PXDNL: variants seen among roughly 807,000 people sequenced by gnomAD.
PXDNL encodes peroxidasin like, also known as probable oxidoreductase PXDNL.
Under a neutral mutation model 150.8 loss-of-function variants are expected in PXDNL, and 145 were observed. That is an observed-to-expected ratio of 0.96 (90% CI 0.84 to 1.10). The LOEUF (loss-of-function observed/expected upper bound fraction) is 1.10, where lower values mean the gene tolerates loss of function less well. Among genes scored for constraint, PXDNL ranks in the 50% least tolerant of loss-of-function variants. The pLI is 0.00. For synonymous variants in PXDNL, 757 were observed against 725.7 expected (o/e 1.04, Z -0.69); for missense variants, 2,087 against 1,873.9 (o/e 1.11, Z -2.10).
At chr8:51,506,218 T>C (rs539885346) in intron 4 of PXDNL, among the ~76,000 whole-genome samples, 74 of 152,234 alleles carry the variant, frequency 4.9e-4, no homozygotes, top group African/African-American at 1.6e-3. Context: ...CTTCACTCTT[T>C]GGGAAGTTAT....
intron 6 of PXDNL, among the ~76,000 whole-genome samples, chr8:51,482,170 G>A (rs1385188205): frequency 6.6e-6 from 1 of 152,190 alleles, no homozygotes; most frequent in African/African-American, 2.4e-5. Flanking sequence ...AAGACCATGG[G>A]AGCCCATCTC....
intron 1 of PXDNL, among the ~76,000 whole-genome samples, chr8:51,666,499 C>A (rs564455878): frequency 6.6e-6 from 1 of 152,294 alleles, no homozygotes; most frequent in African/African-American, 2.4e-5. Flanking sequence ...TAAACCAAAT[C>A]TTTCCCTTTC....
intron 1 of PXDNL, among the ~76,000 whole-genome samples, chr8:51,679,058 C>A (rs1375353832): frequency 6.6e-6 from 1 of 152,104 alleles, no homozygotes; most frequent in African/African-American, 2.4e-5. Context: ...AACATATAAG[C>A]AAATAGTCCC....
chr8:51,799,372 C>T (rs1278591130), intron 1 of PXDNL, among the ~76,000 whole-genome samples: 1 of 152,116 alleles, frequency 6.6e-6, no homozygotes, highest in African/African-American at 2.4e-5. Flanking sequence ...AAGTCCTGCA[C>T]ATGTATCCTG....
chr8:51,527,826 C>T (rs753782202), intron 4 of PXDNL, among the ~76,000 whole-genome samples: 5 of 152,160 alleles, frequency 3.3e-5, no homozygotes, highest in Non-Finnish European at 7.3e-5. Flanking sequence ...TGTACTTAGC[C>T]TTGAAGAGAG....
chr8:51,673,325 A>C (rs1815538970), intron 1 of PXDNL, among the ~76,000 whole-genome samples: 1 of 152,188 alleles, frequency 6.6e-6, no homozygotes, highest in African/African-American at 2.4e-5. Context: ...ACTAAATGAT[A>C]ATAGTGACTC....
intron 5 of PXDNL, among the ~76,000 whole-genome samples, chr8:51,490,635 T>TATACATATATATACATATATATAC (rs1810867631): frequency 6.7e-6 from 1 of 148,946 alleles, no homozygotes; most frequent in Non-Finnish European, 1.5e-5. Flanking sequence ...CATATATATA[T>TATACATATATATACATATATATAC]ACATATATAT....
At chr8:51,785,677 C>T (rs1201184837) in intron 1 of PXDNL, among the ~76,000 whole-genome samples, 3 of 152,184 alleles carry the variant, frequency 2.0e-5, no homozygotes, top group Non-Finnish European at 4.4e-5. Context: ...AAATGGTGTA[C>T]TTAAATGTTG....
intron 1 of PXDNL, among the ~76,000 whole-genome samples, chr8:51,725,264 G>A (rs1481936470): frequency 1.3e-5 from 2 of 152,104 alleles, no homozygotes; most frequent in East Asian, 1.9e-4. Context: ...CATGTCCGTC[G>A]ATCACAGAAA....
chr8:51,474,033 T>A (rs541445953), intron 7 of PXDNL, among the ~76,000 whole-genome samples: 36 of 152,340 alleles, frequency 2.4e-4, no homozygotes, highest in Non-Finnish European at 4.3e-4. Context: ...ATGGGAGCTA[T>A]GGACAAGCTT....
rs773666642 is a variant in PXDNL, at chr8:51,345,864, T to C, written c.3985A>G (p.Lys1329Glu). The C allele has an allele frequency of 1.2e-6, 2 of 1,612,040 alleles. No homozygotes were observed. The highest frequency in any genetic ancestry group is 1.7e-6 in the Non-Finnish European group (2 of 1,178,102). ...RSAQYSYPVD[K>E]DMELSHLRSR... ...CTTAGATGACTTAACTCCATATCCT[T>C]ATCAACAGGATAGCTGTATTGAGCT... is the stretch of plus-strand genomic sequence containing the variant. Residue 1329 changes from lysine to glutamate, a missense_variant, in exon 20 of 23, where the codon AAG becomes GAG. Transcript: ENST00000356297.
At chr8:51,460,264 A>G (rs1199173211) in intron 8 of PXDNL, among the ~76,000 whole-genome samples, 1 of 151,214 alleles carries the variant, frequency 6.6e-6, no homozygotes, top group Non-Finnish European at 1.5e-5. Flanking sequence ...AAAAAAAAAA[A>G]TCTTCCATAT....
At chr8:51,498,561 T>C (rs1811109944) in intron 5 of PXDNL, among the ~76,000 whole-genome samples, 1 of 152,198 alleles carries the variant, frequency 6.6e-6, no homozygotes, top group African/African-American at 2.4e-5. Flanking sequence ...TTTGTCATTG[T>C]TTATTTAATA....
intron 1 of PXDNL, among the ~76,000 whole-genome samples, chr8:51,775,881 A>C (rs568486388): frequency 6.6e-6 from 1 of 152,356 alleles, no homozygotes; most frequent in East Asian, 1.9e-4. Context: ...AGCAGGGTGG[A>C]ACAGAGCCAT....
chr8:51,485,897 C>T (rs572057136), intron 5 of PXDNL, among the ~76,000 whole-genome samples: 48 of 152,296 alleles, frequency 3.2e-4, no homozygotes, highest in East Asian at 1.9e-4. Flanking sequence ...AGCCATATGC[C>T]ATTTCCTTAT....
chr8:51,780,176 C>T (rs564319903), intron 1 of PXDNL, among the ~76,000 whole-genome samples: 5 of 152,008 alleles, frequency 3.3e-5, no homozygotes, highest in Non-Finnish European at 7.4e-5. Context: ...CACGCTGCTG[C>T]ACTTCAGCCC....
chr8:51,767,526 T>A (rs887267509), intron 1 of PXDNL, among the ~76,000 whole-genome samples: 7 of 152,164 alleles, frequency 4.6e-5, no homozygotes, highest in African/African-American at 1.4e-4. Flanking sequence ...CAGTCTCCCA[T>A]GCTTTGTTCA....
chr8:51,616,536 G>A (rs1026352850), intron 2 of PXDNL, among the ~76,000 whole-genome samples: 2 of 152,146 alleles, frequency 1.3e-5, no homozygotes, highest in Non-Finnish European at 2.9e-5. Context: ...GGGTATCTGT[G>A]AGGCATTGGT....
chr8:51,448,475 C>A (rs1022674564), intron 11 of PXDNL, among the ~76,000 whole-genome samples: 1 of 152,066 alleles, frequency 6.6e-6, no homozygotes, highest in South Asian at 2.1e-4. Context: ...GAGGCCGAGG[C>A]GGGCGGATCA....
Sources: gnomAD v4.1 joint callset for allele counts (sites outside exome capture counted in the v4.1 genomes callset) on GRCh38, gnomAD v4.1.1 for gene constraint, MANE v1.5 for transcripts, NCBI Gene and HGNC (gene_info 2026-07-23, HGNC 2026-07-21) for gene names.